Variants in ARHGEF25 observed in about 807,000 individuals in gnomAD.
ARHGEF25 encodes Rho guanine nucleotide exchange factor 25.
In ARHGEF25, 42 loss-of-function variants were observed where a neutral mutation model predicts 74.0. That is an observed-to-expected ratio of 0.57 (90% CI 0.44 to 0.73). The LOEUF (loss-of-function observed/expected upper bound fraction) is 0.73. Among genes scored for constraint, ARHGEF25 ranks in the 30% least tolerant of loss-of-function variants. The pLI, the probability that ARHGEF25 is intolerant of heterozygous loss-of-function variation, is 0.00. For missense variants in ARHGEF25, 645 were observed against 725.5 expected, an observed-to-expected ratio of 0.89 and a Z score of 1.27; for synonymous variants, 293 against 278.6, an observed-to-expected ratio of 1.05 and a Z score of -0.51.
At chr12:57,615,153 T>C in intron 10 of ARHGEF25, 84 bp from the exon 11 acceptor site, 3 of 1,558,106 alleles carry the variant, frequency 1.9e-6, no homozygotes, top group South Asian at 1.2e-5. Flanking sequence ...AGATACCGTC[T>C]GAAGAGGCAA....
rs762829220 is a variant in ARHGEF25, at chr12:57,615,882, C to T, written c.1285C>T (p.Arg429Cys). Reference protein sequence around the residue: ...LEGNLQGDPCRFALTSRGPEG... With the variant: ...LEGNLQGDPCCFALTSRGPEG... ...GGGGAACCTCCAAGGTGACCCTTGC[C>T]GCTTTGCACTGACCTCCAGAGGGCC... The change falls in exon 13 of 15, where the codon CGC (arginine) becomes TGC (cysteine). Residue 429 changes from arginine (R) to cysteine (C), a missense_variant. Arg to Cys is a radical substitution (Grantham distance 180, BLOSUM62 -3). This residue lies in a region of ARHGEF25 where 262 missense variants were observed against 256.9 expected (regional missense o/e 1.02). Transcript: ENST00000286494. 4.8e-5 allele frequency: 77 copies of T among 1,613,956 alleles called. No individual in the cohort carries two copies. Among genetic ancestry groups the T allele is most frequent in the South Asian group, 7.7e-5 (7 of 91,074 alleles).
At position 57,612,698 on chromosome 12, in the gene ARHGEF25, T is replaced by TAACTGGGG. The variant is rs1229048367; in HGVS notation, c.98-231_98-224dup. 7 of 1,413,738 alleles carry TAACTGGGG rather than the reference T, an allele frequency of 5.0e-6. No individual in the cohort carries two copies. The African/African-American group carries it at 8.6e-5, about 17-fold the overall frequency. The allele number at this position is 1,413,738 out of a possible 1,614,324, so 87.6% of individuals were successfully genotyped here. On this transcript the variant is annotated intron_variant, in intron 1 of 14. Transcript: ENST00000286494. ...TCAGGATATGGGGAACCTCCACATG[T>TAACTGGGG]AACTGGGGGTTCCAGGCCTGGAGAG...
chr12:57,610,638 CAG>C, upstream of ARHGEF25: 1 of 1,611,390 alleles, frequency 6.2e-7, no homozygotes, highest in Non-Finnish European at 8.5e-7. Context: ...AGGGAGATCA[CAG>C]AAGGGATCGC....
At chr12:57,613,593 C>T in intron 4 of ARHGEF25, 77 bp downstream of exon 4, 1 of 1,611,648 alleles carries the variant, frequency 6.2e-7, no homozygotes, top group African/African-American at 1.3e-5. Context: ...GGAATTTCCT[C>T]CAAGGTTGGC....
rs759170188 is a variant in ARHGEF25 at position 57,612,996 on chromosome 12, CCTCTGGCCCCAG to C, written c.173_184del (p.Pro58_Gly61del). The C allele has an allele frequency of 6.2e-6, 10 of 1,614,192 alleles. No homozygotes were observed. Among genetic ancestry groups the C allele is most frequent in the Admixed American group, 3.3e-5 (2 of 60,026 alleles). On this transcript the variant is annotated inframe_deletion, in exon 2 of 15. Coordinates refer to ENST00000286494, the MANE Select transcript of ARHGEF25 (RefSeq NM_182947.4). ...TCTGCTGCCTCCGGTCTGGCTGCCC[CCTCTGGCCCCAG>C]CTCTGGCCTCAGCTCTGGCCCCTGT... is the stretch of plus-strand genomic sequence containing the variant.
Position 57,613,269 on chromosome 12 carries a change from G to T in ARHGEF25, c.318G>T (p.Trp106Cys), listed in dbSNP as rs776131100. 43 of 1,614,044 alleles carry T rather than the reference G, an allele frequency of 2.7e-5. No homozygotes were observed. Among genetic ancestry groups the T allele is most frequent in the Non-Finnish European group, 3.4e-5 (40 of 1,180,008 alleles). The change falls in exon 3 of 15, where the codon TGG (tryptophan) becomes TGT (cysteine). Residue 106 changes from tryptophan (W) to cysteine (C), a missense_variant. This residue lies in a region of ARHGEF25 where 189 missense variants were observed against 199.1 expected (regional missense o/e 0.95). Transcript: ENST00000286494. ...DSGQAGPYEN[W>C]MLEPALATGE... ...ACTTGATTTCTGGCCCCCAGAACTG[G>T]ATGTTGGAGCCAGCTCTAGCCACAG... is the stretch of plus-strand genomic sequence containing the variant.
rs753651748 is a variant in ARHGEF25, at chr12:57,614,485, C to G, written c.727-31C>G. The G allele has an allele frequency of 6.8e-6, 11 of 1,613,874 alleles. No individual in the cohort carries two copies. The highest frequency in any genetic ancestry group is 8.5e-6 in the Non-Finnish European group (10 of 1,179,956). ...AGATGCGTCCTCCCTCCTTGCCCACCCTGCTCTCTCTTAAACATTACCCCT... is the reference window on the plus strand; with the variant it reads ...AGATGCGTCCTCCCTCCTTGCCCACGCTGCTCTCTCTTAAACATTACCCCT... On this transcript the variant is annotated intron_variant, in intron 7 of 14. Coordinates refer to ENST00000286494, the MANE Select transcript of ARHGEF25 (RefSeq NM_182947.4). The surrounding 1 kb of genome is among the most constrained non-coding windows in gnomAD (Gnocchi z 4.6).
upstream of ARHGEF25, chr12:57,610,595 T>C: frequency 6.2e-7 from 1 of 1,611,840 alleles, no homozygotes; most frequent in East Asian, 2.2e-5. Flanking sequence ...CCTCTAGGGT[T>C]GGTGGGTACC....
chr12:57,610,246 C>CCCCT, upstream of ARHGEF25: 1 of 1,601,736 alleles, frequency 6.2e-7, no homozygotes, highest in Admixed American at 1.7e-5. Flanking sequence ...CCGCCCCTGG[C>CCCCT]CGCACTGACC....
At position 57,616,394 on chromosome 12, in the gene ARHGEF25, G is replaced by A. The variant is rs1027565197; in HGVS notation, c.1531G>A (p.Ala511Thr). Residue 511 changes from alanine (A) to threonine (T), a missense_variant, in exon 14 of 15, where the codon GCC becomes ACC. Physicochemically the swap from Ala to Thr is moderately conservative, Grantham distance 58. Around this residue, in one of 3 missense-constraint regions of ARHGEF25, gnomAD observed 262 missense variants for 256.9 expected, o/e 1.02. Coordinates refer to ENST00000286494, the MANE Select transcript of ARHGEF25 (RefSeq NM_182947.4). ...TGGAAGAATTCAGCTTGGAGATCAG[G>A]CCCAGGGCAGCACACACACACCCAT... ...SPGRIQLGDQAQGSTHTPING... is the reference protein window; with the variant it reads ...SPGRIQLGDQTQGSTHTPING... The A allele has an allele frequency of 6.2e-7, 1 of 1,614,118 alleles. No homozygotes were observed. The highest frequency in any genetic ancestry group is 8.5e-7 in the Non-Finnish European group (1 of 1,180,024).
rs528517048 is a variant in ARHGEF25, at chr12:57,615,014, A to G, written c.957A>G (p.Leu319=). ...GAGCTGGGATGGATACTGCAGACCT[A>G]GAGGTGAGGACCCCAGATCTTCCAG... ...YNRAGMDTAD[L]EQAVEVMCFV... The change falls in exon 10 of 15, where the codon CTA becomes CTG. Residue 319 remains leucine, a synonymous_variant. Coordinates refer to ENST00000286494, the MANE Select transcript of ARHGEF25 (RefSeq NM_182947.4). The G allele has an allele frequency of 6.2e-6, 10 of 1,614,098 alleles. No individual in the cohort carries two copies. In the South Asian group the frequency reaches 1.1e-4, roughly 18 times the overall value.
intron 1 of ARHGEF25, chr12:57,612,704 G>C: frequency 1.4e-6 from 2 of 1,424,330 alleles, no homozygotes; most frequent in Non-Finnish European, 1.8e-6. Context: ...CATGTAACTG[G>C]GGGTTCCAGG....
At position 57,615,660 on chromosome 12, in the gene ARHGEF25, G is replaced by A; in HGVS notation, c.1187G>A (p.Gly396Glu). Residue 396 changes from glycine to glutamate, a missense_variant, in exon 12 of 15, where the codon GGA (glycine) becomes GAA (glutamate). Around this residue, in one of 3 missense-constraint regions of ARHGEF25, gnomAD observed 262 missense variants for 256.9 expected, o/e 1.02. Coordinates refer to ENST00000286494, the MANE Select transcript of ARHGEF25 (RefSeq NM_182947.4). ...QIIIFSEALG[G>E]GVRGGTQPGY... is the part of the protein sequence containing the mutation. The stretch of plus-strand genomic sequence containing the variant: ...ATCATCTTCAGTGAAGCCCTGGGAG[G>A]AGGAGTGAGAGGTGGAACACAGCCT... 1 of 1,614,162 alleles carries A rather than the reference G, an allele frequency of 6.2e-7. No homozygotes were observed. The highest frequency in any genetic ancestry group is 8.5e-7 in the Non-Finnish European group (1 of 1,180,030).
chr12:57,615,122 G>T, intron 10 of ARHGEF25, 105 bp downstream of exon 10: 4 of 1,565,110 alleles, frequency 2.6e-6, no homozygotes, highest in Non-Finnish European at 3.5e-6. Context: ...CTGGTTTTTA[G>T]GGGGAGGCTG....
chr12:57,614,806 GC>G lies in ARHGEF25; in HGVS notation c.909+26del, dbSNP rs143107039. ...GGTCAGGACCCCCTTTTTCCTGGGG[GC>G]ACAGCTGGCTGGCACAGCTGTTTCC... On this transcript the variant is annotated intron_variant, in intron 9 of 14. Transcript: ENST00000286494. This position sits in a 1 kb window ranked among gnomAD's most constrained non-coding sequence, Gnocchi z 4.6. The G allele has an allele frequency of 1.5e-3, 2,409 of 1,592,376 alleles. 31 individuals are homozygous for G. In the African/African-American group the frequency reaches 0.029, roughly 19 times the overall value.
upstream of ARHGEF25, chr12:57,610,292 T>A (rs2140217305): frequency 6.6e-7 from 1 of 1,514,986 alleles, no homozygotes; most frequent in Non-Finnish European, 8.9e-7. Context: ...GCTGCGCGCA[T>A]GCGCCCTCCC....
rs562886148 is a variant in ARHGEF25 at position 57,613,590 on chromosome 12, C to T, written c.485+74C>T. On this transcript the variant is annotated intron_variant, in intron 4 of 14. Coordinates refer to ENST00000286494, the MANE Select transcript of ARHGEF25 (RefSeq NM_182947.4). ...GTCCCTCACATTTTAGATGGAATTTCCTCCAAGGTTGGCTATGATGATAAA... is the reference window on the plus strand; with the variant it reads ...GTCCCTCACATTTTAGATGGAATTTTCTCCAAGGTTGGCTATGATGATAAA... The T allele has an allele frequency of 1.0e-4, 169 of 1,611,836 alleles. No homozygotes were observed. In the East Asian group the frequency reaches 3.3e-3, roughly 31 times the overall value.
Position 57,613,488 on chromosome 12 carries a change from CAGA to C in ARHGEF25, c.466_468del (p.Lys156del), listed in dbSNP as rs764007893. 137 of 1,614,092 alleles carry C rather than the reference CAGA, an allele frequency of 8.5e-5. No individual in the cohort carries two copies. Among genetic ancestry groups the C allele is most frequent in the Middle Eastern group, 8.2e-4 (5 of 6,084 alleles). On this transcript the variant is annotated inframe_deletion, in exon 4 of 15. Transcript: ENST00000286494. The stretch of plus-strand genomic sequence containing the variant: ...CCAAGCCCCTGAGAGTGAGGAGGAA[CAGA>C]AGAAGAAGGCTCTGGAAAGGAGTAT...
At position 57,614,931 on chromosome 12, in the gene ARHGEF25, C is replaced by G. The variant is rs374678829; in HGVS notation, c.910-36C>G. 3 of 1,611,476 alleles carry G rather than the reference C, an allele frequency of 1.9e-6. No homozygotes were observed. The highest frequency in any genetic ancestry group is 2.5e-6 in the Non-Finnish European group (3 of 1,178,084). ...ATGTGAGAGCTTCTAAGGGTGTCCT[C>G]GTGACCTCCCTGAGCATTTCTTCTC... On this transcript the variant is annotated intron_variant, in intron 9 of 14. Transcript: ENST00000286494. This position sits in a 1 kb window ranked among gnomAD's most constrained non-coding sequence, Gnocchi z 4.6.
Sources: allele counts gnomAD v4.1 joint callset, GRCh38; gene constraint gnomAD v4.1.1; regional missense constraint gnomAD v4.1.1; non-coding constraint Gnocchi (gnomAD v3.1); transcripts MANE v1.5; gene names NCBI Gene and HGNC (gene_info 2026-07-23, HGNC 2026-07-21).